The following MAML1 variants were observed in gnomAD, a reference collection of about 807,000 sequenced individuals.
The protein encoded by MAML1 is mastermind-like protein 1.
Under a neutral mutation model 77.1 loss-of-function variants are expected in MAML1, and 14 were observed. That is an observed-to-expected ratio of 0.18 (90% CI 0.12 to 0.28). The LOEUF is 0.28. Ranked by LOEUF, MAML1 falls within the 10% of genes least tolerant of loss-of-function variation. The pLI is 1.00. For synonymous variants in MAML1, 516 were observed against 551.9 expected (o/e 0.93, Z 0.91); for missense variants, 1,217 against 1,327.8 (o/e 0.92, Z 1.30).
At chr5:179,736,376 C>A (rs1010411306) in intron 1 of MAML1, among the ~76,000 whole-genome samples, 1 of 152,094 alleles carries the variant, frequency 6.6e-6, no homozygotes, top group African/African-American at 2.4e-5. Context: ...CCTCAGCCCC[C>A]CAAGTAGCTG....
Position 179,774,062 on chromosome 5 carries a change from C to G in MAML1, c.2236C>G (p.Pro746Ala). ...ACAGGACCGGGGTGTGGCTCAGTTC[C>G]CTGGCTCCCAAAACATGCCTCAGAG... is the stretch of plus-strand genomic sequence containing the variant. ...GQQDRGVAQF[P>A]GSQNMPQSSL... Residue 746 changes from proline (P) to alanine (A), a missense_variant, in exon 5 of 5, where the codon CCT (proline) becomes GCT (alanine). Coordinates refer to ENST00000292599, the MANE Select transcript of MAML1 (RefSeq NM_014757.5). 1 of 1,614,158 alleles carries G rather than the reference C, an allele frequency of 6.2e-7. No homozygotes were observed. The highest frequency in any genetic ancestry group is 8.5e-7 in the Non-Finnish European group (1 of 1,180,044).
At chr5:179,756,800 C>T (rs906725582) in intron 1 of MAML1, among the ~76,000 whole-genome samples, 1 of 152,012 alleles carries the variant, frequency 6.6e-6, no homozygotes, top group East Asian at 1.9e-4. Context: ...AGGTATCTCA[C>T]TGGAGAGAGA....
intron 1 of MAML1, among the ~76,000 whole-genome samples, chr5:179,753,062 A>T (rs896403736): frequency 5.3e-5 from 8 of 152,106 alleles, no homozygotes; most frequent in Admixed American, 2.6e-4. Context: ...CGTGAACCAC[A>T]GCACCTGGCC....
intron 1 of MAML1, among the ~76,000 whole-genome samples, chr5:179,746,910 T>A (rs1340831914): frequency 1.3e-5 from 2 of 152,244 alleles, no homozygotes; most frequent in Non-Finnish European, 2.9e-5. Context: ...TGATTATGCC[T>A]GCTATTCTTT....
intron 1 of MAML1, among the ~76,000 whole-genome samples, chr5:179,734,867 T>A (rs1007873081): frequency 1.3e-5 from 2 of 152,204 alleles, no homozygotes; most frequent in Non-Finnish European, 2.9e-5. Flanking sequence ...AGATGGGGTC[T>A]CACTATATTG....
intron 1 of MAML1, among the ~76,000 whole-genome samples, chr5:179,746,038 A>G (rs1779373883): frequency 6.6e-6 from 1 of 150,702 alleles, no homozygotes; most frequent in African/African-American, 2.4e-5. Flanking sequence ...TGCCTCAAAA[A>G]AAAAAAACAA....
At chr5:179,756,459 G>C (rs1424289184) in intron 1 of MAML1, among the ~76,000 whole-genome samples, 2 of 151,652 alleles carry the variant, frequency 1.3e-5, no homozygotes, top group Non-Finnish European at 2.9e-5. Flanking sequence ...AAATTAGGCG[G>C]TCACCAGCCT....
chr5:179,753,210 T>C (rs1374416782), intron 1 of MAML1, among the ~76,000 whole-genome samples: 1 of 118,108 alleles, frequency 8.5e-6, no homozygotes, highest in African/African-American at 3.2e-5. Flanking sequence ...TGTGTGTGTG[T>C]GTGTGTGTGT....
chr5:179,767,013 G>A (rs985842176), intron 2 of MAML1, among the ~76,000 whole-genome samples: 1 of 151,630 alleles, frequency 6.6e-6, no homozygotes, highest in Non-Finnish European at 1.5e-5. Context: ...TGTCTCTTTC[G>A]TGCCGTAGGA....
At chr5:179,734,665 T>G (rs1346708099) in intron 1 of MAML1, among the ~76,000 whole-genome samples, 1 of 152,026 alleles carries the variant, frequency 6.6e-6, no homozygotes, top group East Asian at 1.9e-4. Flanking sequence ...CTCCCCTCAC[T>G]CTGTCGCCCA....
In MAML1 at chr5:179,746,938, G is replaced by GTTTC. The variant is rs575692576; in HGVS notation, c.315+13523_315+13526dup. Reference sequence around the variant, plus strand: ...TATTCTTTCAGTTAAGAGGTACCTTGTTTCTTTCTTTCTTTGTTATTTCCC... The same window carrying GTTTC: ...TATTCTTTCAGTTAAGAGGTACCTTGTTTCTTTCTTTCTTTCTTTGTTATTTCCC... On this transcript the variant is annotated intron_variant, in intron 1 of 4. Coordinates refer to ENST00000292599, the MANE Select transcript of MAML1 (RefSeq NM_014757.5). Among the ~76,000 whole-genome samples the GTTTC allele has an allele frequency of 9.8e-5, 15 of 152,300 alleles. No homozygotes were observed. In the South Asian group the frequency reaches 3.1e-3, roughly 32 times the overall value.
At position 179,752,598 on chromosome 5, in the gene MAML1, C is replaced by CTT. The variant is rs1172970221; in HGVS notation, c.316-12703_316-12702dup. Among the ~76,000 whole-genome samples, 193 of 71,836 alleles carry CTT rather than the reference C, an allele frequency of 2.7e-3. 24 individuals carry two copies. The highest frequency in any genetic ancestry group is 0.011 in the Middle Eastern group (1 of 90). 47.1% of individuals were successfully genotyped at this position (71,836 alleles called of 152,430 possible). On this transcript the variant is annotated intron_variant, in intron 1 of 4. Coordinates refer to ENST00000292599, the MANE Select transcript of MAML1 (RefSeq NM_014757.5). ...TGAGTTTAACACTTTATTAGATACT[C>CTT]TTTTTTTTTTTTTTTTTTTTTTTTT...
rs1345731543 is a variant in MAML1 at position 179,733,355 on chromosome 5, G to T, written c.243G>T (p.Thr81=). ...AGKHRQPPAA[T]APAPAAPAPR... ...AGCACAGGCAGCCGCCCGCCGCCAC[G>T]GCCCCGGCGCCCGCCGCCCCGGCCC... The change falls in exon 1 of 5, where the codon ACG becomes ACT. Residue 81 remains threonine (T), a synonymous_variant. Coordinates refer to ENST00000292599, the MANE Select transcript of MAML1 (RefSeq NM_014757.5). 1 of 1,260,906 alleles carries T rather than the reference G, an allele frequency of 7.9e-7. No individual in the cohort carries two copies. Among genetic ancestry groups the T allele is most frequent in the Non-Finnish European group, 1.0e-6 (1 of 1,003,898 alleles). 78.1% of individuals were successfully genotyped at this position (1,260,906 alleles called of 1,614,324 possible).
At chr5:179,746,258 A>G (rs1010447462) in intron 1 of MAML1, among the ~76,000 whole-genome samples, 2 of 151,952 alleles carry the variant, frequency 1.3e-5, no homozygotes, top group Non-Finnish European at 2.9e-5. Context: ...AGGCAGGAGA[A>G]TCGCTTGAAC....
intron 1 of MAML1, among the ~76,000 whole-genome samples, chr5:179,749,070 A>G (rs1314505785): frequency 2.0e-5 from 3 of 151,820 alleles, no homozygotes; most frequent in African/African-American, 4.8e-5. Context: ...GGTTTGAGCA[A>G]TTCCCCTGTC....
chr5:179,769,207 G>A lies in MAML1; in HGVS notation c.1971+118G>A. On this transcript the variant is annotated intron_variant, in intron 3 of 4. Coordinates refer to ENST00000292599, the MANE Select transcript of MAML1 (RefSeq NM_014757.5). The surrounding 1 kb of genome is among the most constrained non-coding windows in gnomAD (Gnocchi z 4.2). Reference sequence around the variant, plus strand: ...ATTTGCGCAGACTTGCGTGCCTGTTGTTAGAGTGCTTTGCCTTTTAAAAAC... The same window carrying A: ...ATTTGCGCAGACTTGCGTGCCTGTTATTAGAGTGCTTTGCCTTTTAAAAAC... 1.4e-6 allele frequency: 2 copies of A among 1,407,260 alleles called. No homozygotes were observed. Among genetic ancestry groups the A allele is most frequent in the Non-Finnish European group, 9.7e-7 (1 of 1,030,056 alleles). The allele number at this position is 1,407,260 out of a possible 1,614,324, so 87.2% of individuals were successfully genotyped here.
At chr5:179,748,961 T>TTG (rs1554149778) in intron 1 of MAML1, among the ~76,000 whole-genome samples, 11 of 151,392 alleles carry the variant, frequency 7.3e-5, no homozygotes, top group Non-Finnish European at 1.0e-4. Flanking sequence ...TTTTTTTTTT[T>TTG]TTTGTTTTTT....
chr5:179,754,718 T>TA (rs1401766519), intron 1 of MAML1, among the ~76,000 whole-genome samples: 5 of 152,194 alleles, frequency 3.3e-5, no homozygotes, highest in East Asian at 1.9e-4. Context: ...GCCCCACGCT[T>TA]AGAGTTTCTG....
chr5:179,775,733 A>G lies in MAML1; in HGVS notation c.*856A>G, dbSNP rs1756123671. 7 of 985,332 alleles carry G rather than the reference A, an allele frequency of 7.1e-6. No individual in the cohort carries two copies. The highest frequency in any genetic ancestry group is 4.7e-5 in the South Asian group (1 of 21,290). The allele number at this position is 985,332 out of a possible 1,614,324, so 61.0% of individuals were successfully genotyped here. A position where few individuals can be genotyped will look rare whatever the true frequency, so the allele number is the denominator to read the frequency against. ...CCACCTTCTGCAGTTTTCTCTGAACATGTATGTTGCCCATGGTGGGAGCGT... is the reference window on the plus strand; with the variant it reads ...CCACCTTCTGCAGTTTTCTCTGAACGTGTATGTTGCCCATGGTGGGAGCGT... On this transcript the variant is annotated 3_prime_UTR_variant, in exon 5 of 5. Transcript: ENST00000292599.
Sources: gnomAD v4.1 joint callset for allele counts (sites outside exome capture counted in the v4.1 genomes callset) on GRCh38, gnomAD v4.1.1 for gene constraint, Gnocchi (gnomAD v3.1) non-coding constraint, MANE v1.5 for transcripts, NCBI Gene and HGNC (gene_info 2026-07-23, HGNC 2026-07-21) for gene names.